CSMD1: variants seen among roughly 807,000 people sequenced by gnomAD.
CSMD1 encodes the protein CUB and Sushi multiple domains 1, also known as CUB and sushi domain-containing protein 1.
In CSMD1, 213 loss-of-function variants were observed where a neutral mutation model predicts 417.5. That is an observed-to-expected ratio of 0.51 (90% CI 0.46 to 0.57). The LOEUF is 0.57. CSMD1 is among the 20% of genes least tolerant of loss of function. The pLI, the probability that CSMD1 is intolerant of heterozygous loss-of-function variation, is 0.00. For synonymous variants in CSMD1, 2,862 were observed against 1,736.8 expected (o/e 1.65, Z -16.11); for missense variants, 6,923 against 4,529.7 (o/e 1.53, Z -15.17).
chr8:3,272,853 G>T (rs996451402), intron 26 of CSMD1, among the ~76,000 whole-genome samples: 1 of 150,604 alleles, frequency 6.6e-6, no homozygotes, highest in African/African-American at 2.5e-5. Flanking sequence ...GGGTTTTCCA[G>T]ATATACAATC....
At chr8:4,608,037 G>C (rs961554018) in intron 2 of CSMD1, among the ~76,000 whole-genome samples, 1 of 152,102 alleles carries the variant, frequency 6.6e-6, no homozygotes, top group Non-Finnish European at 1.5e-5. Context: ...TCCTTGCCCA[G>C]AAAAGGGTGT....
At chr8:3,497,409 T>A (rs1224943681) in intron 10 of CSMD1, among the ~76,000 whole-genome samples, 1 of 103,830 alleles carries the variant, frequency 9.6e-6, no homozygotes, top group African/African-American at 3.5e-5. Context: ...TCCATTTATT[T>A]ATTTATTTAT....
intron 26 of CSMD1, among the ~76,000 whole-genome samples, chr8:3,260,807 A>G (rs1801004072): frequency 2.6e-5 from 4 of 152,212 alleles, no homozygotes. Flanking sequence ...AGACTTCATC[A>G]AAACAGAAAA....
At chr8:3,016,851 G>T (rs945984348) in intron 52 of CSMD1, among the ~76,000 whole-genome samples, 2 of 152,046 alleles carry the variant, frequency 1.3e-5, no homozygotes, top group Non-Finnish European at 2.9e-5. Flanking sequence ...ACATGTTTGG[G>T]GGCATCTCCA....
At chr8:3,284,649 T>C in intron 25 of CSMD1, 2 of 328,486 alleles carry the variant, frequency 6.1e-6, no homozygotes, top group South Asian at 6.9e-5. Context: ...GATCTCTGTA[T>C]AATTTAAGCT....
chr8:4,465,724 G>C (rs148061965), intron 2 of CSMD1, among the ~76,000 whole-genome samples: 62 of 152,272 alleles, frequency 4.1e-4, no homozygotes, highest in Middle Eastern at 3.4e-3. Context: ...AAAGGATGCT[G>C]GTGTTTGGAG....
chr8:3,620,165 G>A (rs1802352626), intron 7 of CSMD1, among the ~76,000 whole-genome samples: 1 of 152,082 alleles, frequency 6.6e-6, no homozygotes, highest in South Asian at 2.1e-4. Flanking sequence ...CTGAAAAAAT[G>A]TCAGCTGAAA....
chr8:4,123,726 A>C (rs1030839145), intron 3 of CSMD1, among the ~76,000 whole-genome samples: 1 of 152,218 alleles, frequency 6.6e-6, no homozygotes, highest in Admixed American at 6.5e-5. Context: ...GTCACATTGT[A>C]GATCATTAGA....
At chr8:3,942,716 T>A (rs1388454376) in intron 5 of CSMD1, among the ~76,000 whole-genome samples, 12 of 152,212 alleles carry the variant, frequency 7.9e-5, no homozygotes, top group Non-Finnish European at 1.8e-4. Flanking sequence ...GTGTTCTTAA[T>A]ATAACATACG....
Position 3,916,286 on chromosome 8 carries a change from C to G in CSMD1, c.818+81617G>C, listed in dbSNP as rs183829820. 1.4e-4 allele frequency among the ~76,000 whole-genome samples: 21 copies of G among 152,186 alleles called. No homozygotes were observed. The East Asian group carries it at 3.9e-3, about 28-fold the overall frequency. On this transcript the variant is annotated intron_variant, in intron 5 of 69. Transcript: ENST00000635120. ...AGCCCAGAAAGCTTTTGTGGAAAGTCTCATATAAAATCACCTGGTTCTCAG... is the reference window on the plus strand; with the variant it reads ...AGCCCAGAAAGCTTTTGTGGAAAGTGTCATATAAAATCACCTGGTTCTCAG...
At chr8:4,604,372 C>A (rs938507703) in intron 2 of CSMD1, among the ~76,000 whole-genome samples, 2 of 126,530 alleles carry the variant, frequency 1.6e-5, no homozygotes, top group Admixed American at 8.5e-5. Flanking sequence ...TTACTCTTGA[C>A]AAATAGCATT....
chr8:4,163,606 T>A (rs1797289221), intron 3 of CSMD1, among the ~76,000 whole-genome samples: 1 of 152,134 alleles, frequency 6.6e-6, no homozygotes, highest in Admixed American at 6.5e-5. Context: ...AAGTGAGTGT[T>A]TTTTCAAAAC....
chr8:4,551,968 T>A (rs909094840), intron 2 of CSMD1, among the ~76,000 whole-genome samples: 1 of 151,960 alleles, frequency 6.6e-6, no homozygotes, highest in South Asian at 2.1e-4. Flanking sequence ...ACTACAGGCA[T>A]GAGCCACTGC....
intron 1 of CSMD1, among the ~76,000 whole-genome samples, chr8:4,899,669 C>G (rs1804738483): frequency 6.6e-6 from 1 of 152,138 alleles, no homozygotes; most frequent in Admixed American, 6.5e-5. Flanking sequence ...ATGACCATGT[C>G]TTGAACAACT....
intron 54 of CSMD1, among the ~76,000 whole-genome samples, chr8:2,993,714 A>C (rs561559951): frequency 6.6e-6 from 1 of 152,240 alleles, no homozygotes; most frequent in Non-Finnish European, 1.5e-5. Context: ...TAATGTTTTA[A>C]AAGACGAGCG....
intron 3 of CSMD1, among the ~76,000 whole-genome samples, chr8:4,354,898 G>GTGTC (rs1801317924): frequency 6.7e-6 from 1 of 148,966 alleles, no homozygotes; most frequent in Non-Finnish European, 1.5e-5. Flanking sequence ...GTGTGTGTGT[G>GTGTC]TGTGTGTGTG....
intron 1 of CSMD1, among the ~76,000 whole-genome samples, chr8:4,783,014 A>C (rs1004313465): frequency 4.6e-5 from 7 of 152,012 alleles, no homozygotes; most frequent in Admixed American, 2.0e-4. Context: ...CCAGATGGTC[A>C]TGTCTGGAAA....
intron 6 of CSMD1, among the ~76,000 whole-genome samples, chr8:3,744,714 T>C (rs1431564406): frequency 6.6e-6 from 1 of 152,228 alleles, no homozygotes; most frequent in Admixed American, 6.5e-5. Context: ...GTCTGGGCTA[T>C]GAAATGAAGA....
intron 5 of CSMD1, among the ~76,000 whole-genome samples, chr8:3,925,272 C>A (rs17067995): frequency 2.0e-5 from 3 of 152,162 alleles, no homozygotes; most frequent in Non-Finnish European, 4.4e-5. Context: ...TGTGCTTCAG[C>A]GATTGCTACA....
Sources: gnomAD v4.1 joint callset for allele counts (sites outside exome capture counted in the v4.1 genomes callset) on GRCh38, gnomAD v4.1.1 for gene constraint, MANE v1.5 for transcripts, NCBI Gene and HGNC (gene_info 2026-07-23, HGNC 2026-07-21) for gene names.